NAMPT: variants seen among roughly 807,000 people sequenced by gnomAD.
The protein encoded by NAMPT is NAmPRTase.
In NAMPT, 7 loss-of-function variants were observed where a neutral mutation model predicts 58.7. That is an observed-to-expected ratio of 0.12 (90% CI 0.07 to 0.22). NAMPT has a LOEUF of 0.22. NAMPT is among the 10% of genes least tolerant of loss of function. NAMPT has a pLI of 1.00. For synonymous variants in NAMPT, 145 were observed against 198.1 expected (o/e 0.73, Z 2.25); for missense variants, 271 against 567.9 (o/e 0.48, Z 5.31).
chr7:106,265,010 C>CTGTT (rs1257301850), intron 6 of NAMPT, among the ~76,000 whole-genome samples: 1 of 152,042 alleles, frequency 6.6e-6, no homozygotes, highest in African/African-American at 2.4e-5. Flanking sequence ...GAGAGAGAAC[C>CTGTT]TGTTTATATA....
chr7:106,266,302 T>C (rs1792406414), intron 6 of NAMPT, among the ~76,000 whole-genome samples: 1 of 152,218 alleles, frequency 6.6e-6, no homozygotes, highest in South Asian at 2.1e-4. Flanking sequence ...CAGTATCCTT[T>C]TCATTTTAAC....
chr7:106,252,079 C>A (rs947217306), intron 10 of NAMPT, among the ~76,000 whole-genome samples: 1 of 152,234 alleles, frequency 6.6e-6, no homozygotes, highest in African/African-American at 2.4e-5. Flanking sequence ...ACTCTTAAAT[C>A]AAATTGCCTA....
At chr7:106,268,682 AG>A in intron 5 of NAMPT, 82 bp from the exon 6 acceptor site, 1 of 958,020 alleles carries the variant, frequency 1.0e-6, no homozygotes, top group Non-Finnish European at 1.7e-6. Context: ...ACCACATTTA[AG>A]GAATATAGCA....
intron 1 of NAMPT, 51 bp downstream of exon 1, chr7:106,284,777 C>T (rs530957651): frequency 5.0e-6 from 7 of 1,404,368 alleles, no homozygotes; most frequent in Admixed American, 2.3e-5. Context: ...GCCGCGCGCT[C>T]GTCCCCAGCG....
chr7:106,270,349 T>C (rs945368316), intron 4 of NAMPT: 10 of 328,804 alleles, frequency 3.0e-5, no homozygotes, highest in South Asian at 1.2e-4. Flanking sequence ...CAAAAAGATA[T>C]TAACTAAATT....
upstream of NAMPT, chr7:106,285,206 C>T: frequency 9.9e-7 from 1 of 1,013,454 alleles, no homozygotes; most frequent in East Asian, 5.2e-5. Flanking sequence ...CTGCGCAGTG[C>T]GCGGAGGCGG....
chr7:106,256,177 C>T (rs1415460635), intron 8 of NAMPT, among the ~76,000 whole-genome samples: 1 of 152,154 alleles, frequency 6.6e-6, no homozygotes. Context: ...TTCAATGATA[C>T]CCAAGAAGAC....
chr7:106,272,542 T>G lies in NAMPT; in HGVS notation c.435A>C (p.Thr145=). The part of the protein sequence containing the change: ...ENTDPECYWL[T]NWIETILVQS... ...AAAAACAATTTACCTCAATCCAATT[T>G]GTAAGCCAGTAACACTCTGGATCTG... The change falls in exon 4 of 11, where the codon ACA becomes ACC. Residue 145 remains threonine, a synonymous_variant. Transcript: ENST00000222553. The G allele has an allele frequency of 6.2e-7, 1 of 1,609,102 alleles. No individual in the cohort carries two copies. Among genetic ancestry groups the G allele is most frequent in the Non-Finnish European group, 8.5e-7 (1 of 1,177,854 alleles).
At position 106,284,981 on chromosome 7, in the gene NAMPT, AC is replaced by A; in HGVS notation, c.-98del. On this transcript the variant is annotated 5_prime_UTR_variant, in exon 1 of 11. It adds an upstream start codon to the 5' untranslated region. Transcript: ENST00000222553. ...TTCACCGCGCTCCGTTGCTTAAGTCACTGCTCGGTCGGCGGAGGAGGGGGAG... is the reference window on the plus strand; with the variant it reads ...TTCACCGCGCTCCGTTGCTTAAGTCATGCTCGGTCGGCGGAGGAGGGGGAG... 6.7e-7 allele frequency: 1 copy of A among 1,487,950 alleles called. No homozygotes were observed. The highest frequency in any genetic ancestry group is 1.3e-5 in the South Asian group (1 of 79,050). 92.2% of individuals were successfully genotyped at this position (1,487,950 alleles called of 1,614,324 possible). A position where few individuals can be genotyped will look rare whatever the true frequency, so the allele number is the denominator to read the frequency against.
intron 1 of NAMPT, among the ~76,000 whole-genome samples, chr7:106,277,716 T>TA (rs905351570): frequency 1.3e-4 from 19 of 151,408 alleles, no homozygotes; most frequent in South Asian, 2.1e-4. Flanking sequence ...AGCAGCAAAG[T>TA]AAAAAAAAAT....
intron 3 of NAMPT, among the ~76,000 whole-genome samples, chr7:106,274,485 G>A (rs1792596476): frequency 6.6e-6 from 1 of 151,864 alleles, no homozygotes; most frequent in African/African-American, 2.4e-5. Context: ...TTTTCAAAAG[G>A]ATATATAATG....
intron 8 of NAMPT, among the ~76,000 whole-genome samples, chr7:106,256,334 A>G (rs1792199091): frequency 6.6e-6 from 1 of 152,254 alleles, no homozygotes; most frequent in African/African-American, 2.4e-5. Context: ...TACACTGTCA[A>G]CCTCATGGGA....
chr7:106,256,313 T>TA (rs1488494161), intron 8 of NAMPT, among the ~76,000 whole-genome samples: 4 of 152,222 alleles, frequency 2.6e-5, no homozygotes, highest in Admixed American at 6.5e-5. Flanking sequence ...AGTGAAAACT[T>TA]AGAGCAGGTT....
At chr7:106,254,286 C>A in intron 9 of NAMPT, 78 bp downstream of exon 9, 2 of 1,513,378 alleles carry the variant, frequency 1.3e-6, no homozygotes, top group Non-Finnish European at 1.8e-6. Context: ...CAATCTTTGA[C>A]AAATGCACTC....
chr7:106,280,327 C>A (rs1003561466), intron 1 of NAMPT, among the ~76,000 whole-genome samples: 3 of 152,120 alleles, frequency 2.0e-5, no homozygotes, highest in African/African-American at 7.2e-5. Context: ...ATAAGAGTGC[C>A]ATTTATAGAG....
At chr7:106,270,584 C>A (rs545962356) in intron 4 of NAMPT, among the ~76,000 whole-genome samples, 3 of 152,118 alleles carry the variant, frequency 2.0e-5, no homozygotes, top group African/African-American at 7.2e-5. Flanking sequence ...TCGCTTTTGA[C>A]GAACAGAATG....
Position 106,249,431 on chromosome 7 carries a change from T to C in NAMPT, c.*1652A>G, listed in dbSNP as rs371115326. 7 of 152,640 alleles carry C rather than the reference T, an allele frequency of 4.6e-5. No individual in the cohort carries two copies. The East Asian group carries it at 1.2e-3, about 25-fold the overall frequency. 9.5% of individuals were successfully genotyped at this position (152,640 alleles called of 1,614,324 possible). On this transcript the variant is annotated 3_prime_UTR_variant, in exon 11 of 11. Coordinates refer to ENST00000222553, the MANE Select transcript of NAMPT (RefSeq NM_005746.3). ...TTAAAATTTCACATTTAATGTCATG[T>C]TAAAAACTTTTCTAAATCAGTCTTC...
At chr7:106,265,452 C>T (rs1245119411) in intron 6 of NAMPT, among the ~76,000 whole-genome samples, 1 of 151,788 alleles carries the variant, frequency 6.6e-6, no homozygotes, top group African/African-American at 2.4e-5. Flanking sequence ...TTTCAGTCTT[C>T]CCAGATGCTG....
In NAMPT at chr7:106,251,029, T is replaced by C; in HGVS notation, c.*54A>G. ...TCATAAAACACAAACCCCACACATCTGTACAATAAACATTATGTATTACAT... is the reference window on the plus strand; with the variant it reads ...TCATAAAACACAAACCCCACACATCCGTACAATAAACATTATGTATTACAT... On this transcript the variant is annotated 3_prime_UTR_variant, in exon 11 of 11. Coordinates refer to ENST00000222553, the MANE Select transcript of NAMPT (RefSeq NM_005746.3). 4 of 1,313,428 alleles carry C rather than the reference T, an allele frequency of 3.0e-6. No homozygotes were observed. The highest frequency in any genetic ancestry group is 4.4e-6 in the Non-Finnish European group (4 of 909,010). The allele number at this position is 1,313,428 out of a possible 1,614,324, so 81.4% of individuals were successfully genotyped here. A position where few individuals can be genotyped will look rare whatever the true frequency, so the allele number is the denominator to read the frequency against.
Sources: allele counts gnomAD v4.1 joint callset (sites outside exome capture counted in the v4.1 genomes callset), GRCh38; gene constraint gnomAD v4.1.1; transcripts MANE v1.5; gene names NCBI Gene and HGNC (gene_info 2026-07-23, HGNC 2026-07-21).